NLN: variants seen among roughly 807,000 people sequenced by gnomAD.
NLN encodes the protein neurolysin, mitochondrial.
In NLN, 64 loss-of-function variants were observed where a neutral mutation model predicts 79.9. The ratio of observed to expected loss-of-function variants is 0.80; its 90% confidence interval spans 0.65 to 0.99. The LOEUF is 0.99. Ranked by LOEUF, NLN falls within the 50% of genes least tolerant of loss-of-function variation. The pLI, the probability that NLN is intolerant of heterozygous loss-of-function variation, is 0.00. For synonymous variants in NLN, 267 were observed against 296.6 expected (o/e 0.90, Z 1.02); for missense variants, 835 against 858.7 (o/e 0.97, Z 0.34).
At chr5:65,775,246 A>G (rs1759654468) in intron 3 of NLN, among the ~76,000 whole-genome samples, 1 of 152,200 alleles carries the variant, frequency 6.6e-6, no homozygotes, top group Non-Finnish European at 1.5e-5. Flanking sequence ...ATGAGAGCCC[A>G]TCCTCATTAA....
chr5:65,768,474 T>A (rs955358953), intron 3 of NLN, among the ~76,000 whole-genome samples: 6 of 152,296 alleles, frequency 3.9e-5, no homozygotes, highest in Non-Finnish European at 7.4e-5. Context: ...ACCATGTCCC[T>A]CCCTCAATAC....
At chr5:65,789,091 CT>C (rs1213403874) in intron 8 of NLN, among the ~76,000 whole-genome samples, 2 of 152,140 alleles carry the variant, frequency 1.3e-5, no homozygotes, top group Non-Finnish European at 2.9e-5. Flanking sequence ...TATTATCACA[CT>C]GCTGCATTCT....
intron 12 of NLN, among the ~76,000 whole-genome samples, chr5:65,817,509 G>T (rs1760695318): frequency 6.6e-6 from 1 of 152,120 alleles, no homozygotes; most frequent in Admixed American, 6.6e-5. Flanking sequence ...TTTTTATAAG[G>T]CAACTTCATT....
At chr5:65,742,450 A>G (rs2150738556) in intron 1 of NLN, among the ~76,000 whole-genome samples, 1 of 152,316 alleles carries the variant, frequency 6.6e-6, no homozygotes, top group African/African-American at 2.4e-5. Context: ...ACAATGAAGG[A>G]AAACTCATAA....
chr5:65,741,845 C>A (rs1758875496), intron 1 of NLN, among the ~76,000 whole-genome samples: 1 of 152,152 alleles, frequency 6.6e-6, no homozygotes, highest in Non-Finnish European at 1.5e-5. Context: ...GAAAAGAAAT[C>A]TCTTCAAGTT....
chr5:65,824,225 C>T lies in NLN; in HGVS notation c.*1310C>T, dbSNP rs1760868102. ...CATACCTCAGGTATGACTTTGCTAG[C>T]CGGGGACAAAATTAGCACCTTCCGA... On this transcript the variant is annotated 3_prime_UTR_variant, in exon 13 of 13. Coordinates refer to ENST00000380985, the MANE Select transcript of NLN (RefSeq NM_020726.5). 1 of 152,130 alleles carries T rather than the reference C, an allele frequency of 6.6e-6. No individual in the cohort carries two copies. Among genetic ancestry groups the T allele is most frequent in the African/African-American group, 2.4e-5 (1 of 41,426 alleles). 9.4% of individuals were successfully genotyped at this position (152,130 alleles called of 1,614,324 possible). A position where few individuals can be genotyped will look rare whatever the true frequency, so the allele number is the denominator to read the frequency against.
chr5:65,758,866 G>A (rs777752472), intron 2 of NLN, 40 bp downstream of exon 2: 1 of 1,557,334 alleles, frequency 6.4e-7, no homozygotes, highest in Non-Finnish European at 8.8e-7. Context: ...TTCACTTTGT[G>A]GACATCTTAA....
chr5:65,751,801 A>C (rs1759108235), intron 1 of NLN, among the ~76,000 whole-genome samples: 1 of 152,200 alleles, frequency 6.6e-6, no homozygotes, highest in Admixed American at 6.5e-5. Flanking sequence ...ATTTCTGTCA[A>C]AATTTATCCA....
rs1218983503 is a variant in NLN, at chr5:65,739,455, G to T, written c.41+17041G>T. 7.2e-5 allele frequency among the ~76,000 whole-genome samples: 11 copies of T among 152,054 alleles called. No individual in the cohort carries two copies. In the East Asian group the frequency reaches 1.9e-3, roughly 27 times the overall value. ...AAGTTGATTCTATGTCTTGTCTATT[G>T]TGAATAATATATAGCAAACATGAGA... On this transcript the variant is annotated intron_variant, in intron 1 of 12. Coordinates refer to ENST00000380985, the MANE Select transcript of NLN (RefSeq NM_020726.5).
chr5:65,729,698 T>C (rs1478191027), intron 1 of NLN, among the ~76,000 whole-genome samples: 1 of 152,116 alleles, frequency 6.6e-6, no homozygotes, highest in Non-Finnish European at 1.5e-5. Context: ...TTCTTTTTTG[T>C]TTGTCCTTTA....
intron 9 of NLN, among the ~76,000 whole-genome samples, chr5:65,795,716 C>T (rs563906300): frequency 5.9e-5 from 9 of 152,212 alleles, no homozygotes; most frequent in African/African-American, 2.2e-4. Context: ...AGTCTATTAT[C>T]ATAGCACTAG....
At position 65,809,639 on chromosome 5, in the gene NLN, A is replaced by G; in HGVS notation, c.1652A>G (p.Asp551Gly). Reference sequence around the variant, plus strand: ...CGAAGATTGTCAAAACATTATAAAGATGGAAGCCCTATTGCAGACGATCTG... The same window carrying G: ...CGAAGATTGTCAAAACATTATAAAGGTGGAAGCCCTATTGCAGACGATCTG... ...SLRRLSKHYK[D>G]GSPIADDLLE... Residue 551 changes from aspartate to glycine, a missense_variant, in exon 10 of 13, where the codon GAT becomes GGT. By Grantham distance (94) the Asp-to-Gly change is moderately conservative. Transcript: ENST00000380985. The G allele has an allele frequency of 6.2e-7, 1 of 1,614,090 alleles. No individual in the cohort carries two copies. Among genetic ancestry groups the G allele is most frequent in the Non-Finnish European group, 8.5e-7 (1 of 1,180,008 alleles).
intron 1 of NLN, chr5:65,733,335 C>G: frequency 6.6e-7 from 1 of 1,511,498 alleles, no homozygotes; most frequent in South Asian, 1.1e-5. Flanking sequence ...ACTCAGGCTC[C>G]TCCTGCCTGC....
intron 1 of NLN, among the ~76,000 whole-genome samples, chr5:65,755,204 G>A (rs1759193187): frequency 6.6e-6 from 1 of 152,126 alleles, no homozygotes; most frequent in Non-Finnish European, 1.5e-5. Context: ...TTGAAAAAAA[G>A]TGGTTTCAAG....
At chr5:65,768,412 C>G (rs72768016) in intron 3 of NLN, among the ~76,000 whole-genome samples, 6,306 of 152,146 alleles carry the variant, frequency 0.041, 175 homozygotes, top group African/African-American at 0.074. Context: ...AACTCACTCA[C>G]CATCATGAGA....
chr5:65,784,859 A>ACTATT (rs991424917), intron 6 of NLN, among the ~76,000 whole-genome samples: 2 of 152,114 alleles, frequency 1.3e-5, no homozygotes, highest in African/African-American at 4.8e-5. Flanking sequence ...CCTGGCAATT[A>ACTATT]CTATTCTATT....
At position 65,812,092 on chromosome 5, in the gene NLN, C is replaced by G. The variant is rs914589397; in HGVS notation, c.1844-163C>G. ...GCCATTGATAGATGTTTATAAACATCTTGGCCAAGAGGACACATCAGCCCA... is the reference window on the plus strand; with the variant it reads ...GCCATTGATAGATGTTTATAAACATGTTGGCCAAGAGGACACATCAGCCCA... On this transcript the variant is annotated intron_variant, in intron 11 of 12. Transcript: ENST00000380985. Among the ~76,000 whole-genome samples, 3 of 152,174 alleles carry G rather than the reference C, an allele frequency of 2.0e-5. No individual in the cohort carries two copies. In the East Asian group the frequency reaches 5.8e-4, roughly 29 times the overall value.
rs376664696 is a variant in NLN at position 65,792,436 on chromosome 5, C to T, written c.1326-18C>T. ...GGAGAATTTTCCTATGTTGCCAACG[C>T]GTGTTTCTGGCTCCTAGGGAAGGAA... On this transcript the variant is annotated intron_variant, in intron 8 of 12. Coordinates refer to ENST00000380985, the MANE Select transcript of NLN (RefSeq NM_020726.5). 1.4e-5 allele frequency: 22 copies of T among 1,586,386 alleles called. No individual in the cohort carries two copies. The highest frequency in any genetic ancestry group is 1.7e-5 in the Non-Finnish European group (20 of 1,156,684).
intron 6 of NLN, among the ~76,000 whole-genome samples, chr5:65,782,442 CA>C (rs1441925388): frequency 6.6e-6 from 1 of 152,194 alleles, no homozygotes; most frequent in East Asian, 1.9e-4. Flanking sequence ...TAACTATACC[CA>C]AATATCACTT....
Sources: gnomAD v4.1 joint callset for allele counts (sites outside exome capture counted in the v4.1 genomes callset) on GRCh38, gnomAD v4.1.1 for gene constraint, MANE v1.5 for transcripts, NCBI Gene and HGNC (gene_info 2026-07-23, HGNC 2026-07-21) for gene names.